ATP11C: variants seen among roughly 807,000 people sequenced by gnomAD.
ATP11C encodes ATPase phospholipid transporting 11C (ATP11C blood group).
A neutral mutation model predicts 97.4 loss-of-function variants in ATP11C; 36 were observed. The observed-to-expected ratio is 0.37, with a 90% CI of 0.28 to 0.49. ATP11C has a LOEUF of 0.49. ATP11C is among the 20% of genes least tolerant of loss of function. The pLI, the probability that ATP11C is intolerant of heterozygous loss-of-function variation, is 0.98. For synonymous variants in ATP11C, 275 were observed against 290.9 expected, an observed-to-expected ratio of 0.95 and a Z score of 0.56; for missense variants, 730 against 824.6, an observed-to-expected ratio of 0.89 and a Z score of 1.40.
At chrX:139,842,546 T>C (rs2147930669) in intron 1 of ATP11C, among the ~76,000 whole-genome samples, 1 of 112,542 alleles carries the variant, frequency 8.9e-6, no homozygotes, top group African/African-American at 3.2e-5. Flanking sequence ...TACAATCTCA[T>C]AGAGTTGACA....
intron 22 of ATP11C, among the ~76,000 whole-genome samples, chrX:139,758,382 A>G (rs2081976647): frequency 8.9e-6 from 1 of 111,857 alleles, no homozygotes; most frequent in African/African-American, 3.2e-5. Flanking sequence ...AAGGTGGCAC[A>G]CAGATGATAA....
chrX:139,743,597 TG>T lies in ATP11C; in HGVS notation c.2991del (p.Ile998LeufsTer6). 8.5e-7 allele frequency: 1 copy of T among 1,174,569 alleles called. No homozygotes were observed. The highest frequency in any genetic ancestry group is 1.1e-6 in the Non-Finnish European group (1 of 870,425). ...GKVYGNWTFG[T>X]IVFTVLVFTV... ...GTGAATACTAAGACTGTAAAAACAA[TG>T]GTTCCAAAAGTCCAGTTTCCGTATA... On this transcript the variant is annotated frameshift_variant, in exon 26 of 30. Coordinates refer to ENST00000682941, the MANE Select transcript of ATP11C (RefSeq NM_001353812.2). LOFTEE classifies it high-confidence loss of function.
In ATP11C at chrX:139,788,244, T is replaced by C. The variant is rs1353366586; in HGVS notation, c.1468A>G (p.Thr490Ala). The C allele has an allele frequency of 8.3e-7, 1 of 1,209,024 alleles. No individual in the cohort carries two copies. Among genetic ancestry groups the C allele is most frequent in the Admixed American group, 2.2e-5 (1 of 46,001 alleles). ...TCATCTGGTGAAGAGGAGATATAGG[T>C]TAATTCAGCTGATTCTGTAGCTCCA... ...VDGATESAEL[T>A]YISSSPDEIA... Residue 490 changes from threonine (T) to alanine (A), a missense_variant, in exon 14 of 30, where the codon ACC becomes GCC. Thr to Ala is a moderately conservative substitution (Grantham distance 58). Coordinates refer to ENST00000682941, the MANE Select transcript of ATP11C (RefSeq NM_001353812.2).
At chrX:139,798,115 C>T (rs2082839950) in intron 10 of ATP11C, among the ~76,000 whole-genome samples, 158 bp downstream of exon 10, 1 of 111,967 alleles carries the variant, frequency 8.9e-6, no homozygotes, top group South Asian at 3.7e-4. Context: ...ATCAGACATA[C>T]AAATCATTGA....
At chrX:139,743,178 C>T (rs770644508) in intron 26 of ATP11C, among the ~76,000 whole-genome samples, 3 of 109,070 alleles carry the variant, frequency 2.8e-5, no homozygotes, top group Non-Finnish European at 5.7e-5. Context: ...AACATAATCA[C>T]ACACACACAC....
At chrX:139,773,484 G>A (rs759862391) in intron 19 of ATP11C, among the ~76,000 whole-genome samples, 16 of 111,457 alleles carry the variant, frequency 1.4e-4, no homozygotes, top group African/African-American at 2.9e-4. Flanking sequence ...CTCCAAAACC[G>A]TGAAAAATAA....
chrX:139,746,488 T>G (rs1402774277), intron 24 of ATP11C, among the ~76,000 whole-genome samples: 1 of 112,105 alleles, frequency 8.9e-6, no homozygotes, highest in Admixed American at 9.5e-5. Context: ...TATACAATCC[T>G]GGATTGACTT....
chrX:139,824,424 G>A (rs976306939), intron 2 of ATP11C, among the ~76,000 whole-genome samples: 4 of 111,616 alleles, frequency 3.6e-5, no homozygotes, highest in African/African-American at 9.8e-5. Context: ...GCATTAGGCC[G>A]GGTGCAGTGG....
At chrX:139,738,130 C>A in intron 27 of ATP11C, 61 bp from the exon 28 acceptor site, 1 of 957,526 alleles carries the variant, frequency 1.0e-6, no homozygotes, top group Non-Finnish European at 1.4e-6. Flanking sequence ...ATGAAATGGA[C>A]ATTTAATTAA....
At chrX:139,787,894 T>C (rs2082608737) in intron 14 of ATP11C, among the ~76,000 whole-genome samples, 1 of 112,360 alleles carries the variant, frequency 8.9e-6, no homozygotes, top group Non-Finnish European at 1.9e-5. Context: ...TAACATGTGT[T>C]GTACAAAAAG....
intron 20 of ATP11C, among the ~76,000 whole-genome samples, chrX:139,763,706 C>T (rs1003208023): frequency 1.8e-5 from 2 of 111,804 alleles, no homozygotes; most frequent in African/African-American, 3.3e-5. Flanking sequence ...GTTTTAAAAT[C>T]GGTATTATTT....
intron 1 of ATP11C, among the ~76,000 whole-genome samples, chrX:139,835,590 A>G (rs2083734254): frequency 9.2e-6 from 1 of 108,756 alleles, no homozygotes; most frequent in Non-Finnish European, 1.9e-5. Context: ...TTTTTAGTAA[A>G]GACGGGTTTT....
intron 1 of ATP11C, among the ~76,000 whole-genome samples, chrX:139,872,697 A>G (rs1028475386): frequency 6.3e-5 from 7 of 111,381 alleles, no homozygotes; most frequent in African/African-American, 2.3e-4. Context: ...AGTAACCTGT[A>G]GGCAATTCAA....
At chrX:139,804,630 A>G in intron 5 of ATP11C, 31 bp from the exon 6 acceptor site, 1 of 1,134,868 alleles carries the variant, frequency 8.8e-7, no homozygotes, top group Non-Finnish European at 1.2e-6. Context: ...TAAATATTTT[A>G]AATTCCAAAC....
intron 1 of ATP11C, among the ~76,000 whole-genome samples, chrX:139,852,244 G>A (rs1253144405): frequency 9.1e-6 from 1 of 109,947 alleles, no homozygotes; most frequent in Non-Finnish European, 1.9e-5. Context: ...GCACCGCTGA[G>A]AATTAAAAAG....
chrX:139,933,889 A>T (rs1186154362), upstream of ATP11C, among the ~76,000 whole-genome samples: 2 of 112,721 alleles, frequency 1.8e-5, no homozygotes. Context: ...GGTGGTCGCA[A>T]TCTGGTTGGG....
At chrX:139,930,741 C>T (rs939270883) in intron 1 of ATP11C, among the ~76,000 whole-genome samples, 3 of 112,040 alleles carry the variant, frequency 2.7e-5, no homozygotes, top group Non-Finnish European at 5.6e-5. Flanking sequence ...ACTGCATGTT[C>T]CTGGGTGGGG....
intron 25 of ATP11C, among the ~76,000 whole-genome samples, chrX:139,744,785 TG>T (rs1309562006): frequency 8.9e-6 from 1 of 111,886 alleles, no homozygotes; most frequent in African/African-American, 3.2e-5. Flanking sequence ...AGCAGATCTG[TG>T]TTTCCCCAAC....
At chrX:139,859,965 C>T (rs1354899380) in intron 1 of ATP11C, among the ~76,000 whole-genome samples, 5 of 94,149 alleles carry the variant, frequency 5.3e-5, no homozygotes, top group South Asian at 4.1e-4. Flanking sequence ...ATTAGCCGGG[C>T]GTAGTGGCGG....
Sources: gnomAD v4.1 joint callset for allele counts (sites outside exome capture counted in the v4.1 genomes callset) on GRCh38, gnomAD v4.1.1 for gene constraint, MANE v1.5 for transcripts, NCBI Gene and HGNC (gene_info 2026-07-23, HGNC 2026-07-21) for gene names.